Variants in PSD3 observed in about 807,000 individuals in gnomAD.
The protein encoded by PSD3 is PH and SEC7 domain-containing protein 3.
Under a neutral mutation model 105.5 loss-of-function variants are expected in PSD3, and 49 were observed. That is an observed-to-expected ratio of 0.46 (90% CI 0.37 to 0.59). PSD3 has a LOEUF of 0.59. Among genes scored for constraint, PSD3 ranks in the 20% least tolerant of loss-of-function variants. PSD3 has a pLI of 0.00. For missense variants in PSD3, 1,561 were observed against 1,263.8 expected (o/e 1.24, Z -3.57); for synonymous variants, 557 against 457.8 (o/e 1.22, Z -2.77).
At chr8:18,573,736 A>C (rs1802299543) in intron 13 of PSD3, among the ~76,000 whole-genome samples, 1 of 152,182 alleles carries the variant, frequency 6.6e-6, no homozygotes, top group Non-Finnish European at 1.5e-5. Context: ...GTGTCCAGAA[A>C]GGGCAATACT....
intron 13 of PSD3, among the ~76,000 whole-genome samples, 168 bp from the exon 14 acceptor site, chr8:18,572,840 G>A (rs1474406498): frequency 3.3e-5 from 5 of 152,068 alleles, no homozygotes; most frequent in East Asian, 3.9e-4. Context: ...GTCATTCGAC[G>A]ATCACCAAAG....
At chr8:18,633,585 T>C (rs892575078) in intron 10 of PSD3, among the ~76,000 whole-genome samples, 2 of 152,138 alleles carry the variant, frequency 1.3e-5, no homozygotes, top group African/African-American at 2.4e-5. Flanking sequence ...GCAAAGGACA[T>C]GATTTCAACC....
At chr8:18,579,135 A>ACACAC (rs1563342138) in intron 12 of PSD3, among the ~76,000 whole-genome samples, 13 of 72,708 alleles carry the variant, frequency 1.8e-4, no homozygotes, top group African/African-American at 6.1e-4. Context: ...CACACACACA[A>ACACAC]AGGGCAAAAC....
rs73585836 is a variant in PSD3, at chr8:18,628,293, T to G, written c.2410+4320A>C. The stretch of plus-strand genomic sequence containing the variant: ...CACACTAAGGCATCACATAATAAAA[T>G]TGATGAAAACCAGAGATAGAAAAAT... On this transcript the variant is annotated intron_variant, in intron 11 of 15. Transcript: ENST00000327040. 2.4e-3 allele frequency among the ~76,000 whole-genome samples: 364 copies of G among 151,696 alleles called. 2 individuals are homozygous for G. The highest frequency in any genetic ancestry group is 8.5e-3 in the African/African-American group (353 of 41,408).
intron 1 of PSD3, among the ~76,000 whole-genome samples, chr8:18,975,218 T>C (rs571900086): frequency 6.6e-6 from 1 of 151,956 alleles, no homozygotes; most frequent in South Asian, 2.1e-4. Context: ...CCCTAATATA[T>C]CAGGGTACTT....
At chr8:18,602,381 G>T (rs1017183945) in intron 11 of PSD3, among the ~76,000 whole-genome samples, 1 of 152,002 alleles carries the variant, frequency 6.6e-6, no homozygotes, top group Non-Finnish European at 1.5e-5. Context: ...CACTAAGTCA[G>T]TTACTTAGTA....
intron 10 of PSD3, among the ~76,000 whole-genome samples, chr8:18,647,713 T>C (rs188446329): frequency 9.5e-4 from 143 of 150,848 alleles, no homozygotes; most frequent in African/African-American, 3.3e-3. Flanking sequence ...GTGTCCCCGC[T>C]CAAATTTCAT....
At chr8:19,055,022 G>C (rs147149934) in intron 1 of PSD3, among the ~76,000 whole-genome samples, 427 of 152,302 alleles carry the variant, frequency 2.8e-3, no homozygotes, top group Non-Finnish European at 5.2e-3. Context: ...GACAATGTGA[G>C]ATGCATTTGT....
At chr8:19,083,825 T>C (rs1419808325) in intron 1 of PSD3, among the ~76,000 whole-genome samples, 6 of 152,192 alleles carry the variant, frequency 3.9e-5, no homozygotes, top group Admixed American at 2.6e-4. Flanking sequence ...CTCAAAGTGG[T>C]TAAGATGAGT....
intron 4 of PSD3, among the ~76,000 whole-genome samples, chr8:18,861,222 C>T (rs190136618): frequency 3.1e-3 from 467 of 152,224 alleles, no homozygotes; most frequent in African/African-American, 0.011. Context: ...ACAATCGACC[C>T]ACTGCTGGAG....
At position 18,531,332 on chromosome 8, in the gene PSD3, A is replaced by T. The variant is rs1055298487; in HGVS notation, c.*4411T>A. On this transcript the variant is annotated 3_prime_UTR_variant, in exon 16 of 16. Transcript: ENST00000327040. ...CATTCTCTCTGCATGCAATGGGCCA[A>T]TTATTGTCATAAGCAGAAGGCTGCC... 2 of 152,658 alleles carry T rather than the reference A, an allele frequency of 1.3e-5. No individual in the cohort carries two copies. The highest frequency in any genetic ancestry group is 2.9e-5 in the Non-Finnish European group (2 of 68,040). 9.5% of individuals were successfully genotyped at this position (152,658 alleles called of 1,614,324 possible).
intron 2 of PSD3, among the ~76,000 whole-genome samples, chr8:18,923,150 C>T (rs1821143572): frequency 6.6e-6 from 1 of 152,088 alleles, no homozygotes; most frequent in African/African-American, 2.4e-5. Flanking sequence ...CTGTCTTGGG[C>T]CACAGATAAA....
At chr8:18,820,962 C>G (rs948768109) in intron 4 of PSD3, among the ~76,000 whole-genome samples, 1 of 152,146 alleles carries the variant, frequency 6.6e-6, no homozygotes, top group Admixed American at 6.5e-5. Context: ...GTTGCCCAAG[C>G]TAGTCTCGAA....
In PSD3 at chr8:18,804,610, A is replaced by C. The variant is rs1418474785; in HGVS notation, c.1830-8T>G. ...AGTTTGCTAAATTCGTTGCTATAAG[A>C]AAACAGAATAGACTTGGTTATTGAA... On this transcript the variant is annotated splice_region_variant and splice_polypyrimidine_tract_variant and intron_variant, in intron 5 of 15. Coordinates refer to ENST00000327040, the MANE Select transcript of PSD3 (RefSeq NM_015310.4). 2 of 1,612,384 alleles carry C rather than the reference A, an allele frequency of 1.2e-6. No homozygotes were observed. The highest frequency in any genetic ancestry group is 4.5e-5 in the East Asian group (2 of 44,878).
intron 2 of PSD3, among the ~76,000 whole-genome samples, chr8:18,887,549 A>G (rs1818520676): frequency 6.6e-6 from 1 of 151,874 alleles, no homozygotes; most frequent in Admixed American, 6.6e-5. Flanking sequence ...TACATGAGAA[A>G]AGTGAAGTGA....
At chr8:18,623,219 A>G (rs757355678) in intron 11 of PSD3, among the ~76,000 whole-genome samples, 3 of 125,896 alleles carry the variant, frequency 2.4e-5, no homozygotes, top group Non-Finnish European at 5.0e-5. Flanking sequence ...TTGTTTACTG[A>G]GTTTTCTAAT....
At chr8:18,812,518 C>T (rs189041847) in intron 4 of PSD3, among the ~76,000 whole-genome samples, 6 of 152,230 alleles carry the variant, frequency 3.9e-5, no homozygotes, top group Middle Eastern at 3.4e-3. Context: ...CAGGGAGGAG[C>T]TGGCTTGGGT....
chr8:18,694,481 G>A (rs1230905363), intron 9 of PSD3, among the ~76,000 whole-genome samples: 2 of 152,040 alleles, frequency 1.3e-5, no homozygotes, highest in African/African-American at 4.8e-5. Context: ...GTGGTGCTGG[G>A]CACCTGTAGT....
intron 2 of PSD3, among the ~76,000 whole-genome samples, chr8:18,875,807 G>T (rs371279906): frequency 6.6e-6 from 1 of 152,200 alleles, no homozygotes; most frequent in East Asian, 1.9e-4. Context: ...AAAGTGCTGG[G>T]ATTACAGGCG....
Sources: allele counts gnomAD v4.1 joint callset (sites outside exome capture counted in the v4.1 genomes callset), GRCh38; gene constraint gnomAD v4.1.1; transcripts MANE v1.5; gene names NCBI Gene and HGNC (gene_info 2026-07-23, HGNC 2026-07-21).